Variants in IL18RAP observed in about 807,000 individuals in gnomAD.
The protein encoded by IL18RAP is interleukin 18 receptor accessory protein, also known as interleukin-18 receptor accessory protein.
In IL18RAP, 37 loss-of-function variants were observed where a neutral mutation model predicts 58.1. The ratio of observed to expected loss-of-function variants is 0.64; its 90% CI spans 0.49 to 0.84. The LOEUF is 0.84. Ranked by LOEUF, IL18RAP falls within the 40% of genes least tolerant of loss-of-function variation. The pLI is 0.00. For synonymous variants in IL18RAP, 268 were observed against 257.5 expected (o/e 1.04, Z -0.39); for missense variants, 667 against 704.8 (o/e 0.95, Z 0.61).
chr2:102,429,952 T>C (rs1682227017), intron 3 of IL18RAP, among the ~76,000 whole-genome samples: 1 of 152,084 alleles, frequency 6.6e-6, no homozygotes. Context: ...TTCAATTTTC[T>C]TAAAGTTGTT....
intron 9 of IL18RAP, 103 bp downstream of exon 9, chr2:102,451,124 G>C: frequency 2.2e-6 from 2 of 906,058 alleles, no homozygotes; most frequent in Non-Finnish European, 3.3e-6. Context: ...AGATCTGGGA[G>C]ATTACATGAG....
intron 8 of IL18RAP, among the ~76,000 whole-genome samples, chr2:102,449,011 G>A (rs531496211): frequency 7.0e-6 from 1 of 142,702 alleles, no homozygotes; most frequent in South Asian, 2.3e-4. Flanking sequence ...GCTCACATGT[G>A]TAATCCCAGC....
At chr2:102,451,587 A>T (rs191566990) in intron 9 of IL18RAP, among the ~76,000 whole-genome samples, 179 bp from the exon 10 acceptor site, 75 of 152,342 alleles carry the variant, frequency 4.9e-4, no homozygotes, top group Admixed American at 4.9e-3. Context: ...CAGGGAATGT[A>T]AAGGTGAGGG....
At chr2:102,450,779 G>A in intron 8 of IL18RAP, 69 bp from the exon 9 acceptor site, 6 of 901,710 alleles carry the variant, frequency 6.7e-6, no homozygotes, top group Non-Finnish European at 1.0e-5. Flanking sequence ...TCAAGCATAT[G>A]TATGTGTACC....
At chr2:102,449,043 C>A (rs58625805) in intron 8 of IL18RAP, among the ~76,000 whole-genome samples, 1 of 72,994 alleles carries the variant, frequency 1.4e-5, no homozygotes, top group African/African-American at 8.2e-5. Flanking sequence ...TCCAGGTGGG[C>A]GGATCACTTG....
chr2:102,435,084 G>A (rs757865953), intron 3 of IL18RAP: 12 of 152,156 alleles, frequency 7.9e-5, no homozygotes, highest in Non-Finnish European at 1.6e-4. Context: ...TACACTTAAC[G>A]GGAAAGAGCA....
intron 5 of IL18RAP, among the ~76,000 whole-genome samples, chr2:102,441,701 A>T (rs1683112979): frequency 6.6e-6 from 1 of 152,130 alleles, no homozygotes; most frequent in African/African-American, 2.4e-5. Flanking sequence ...CAGCCTGGCC[A>T]ACATGGTGAA....
intron 3 of IL18RAP, among the ~76,000 whole-genome samples, chr2:102,435,578 G>C (rs13415651): frequency 0.036 from 5,538 of 152,230 alleles, 327 homozygotes; most frequent in African/African-American, 0.13. Context: ...CCAGGGAGGA[G>C]AGTGAAAGAA....
rs192683418 is a variant in IL18RAP, at chr2:102,437,064, A to T, written c.580-148A>T. 2.8e-4 allele frequency: 185 copies of T among 665,840 alleles called. No homozygotes were observed. The East Asian group carries it at 5.0e-3, about 18-fold the overall frequency. The allele number at this position is 665,840 out of a possible 1,614,324, so 41.2% of individuals were successfully genotyped here. A position where few individuals can be genotyped will look rare whatever the true frequency, so the allele number is the denominator to read the frequency against. On this transcript the variant is annotated intron_variant, in intron 3 of 9. Coordinates refer to ENST00000687160, the MANE Select transcript of IL18RAP (RefSeq NM_001393487.1). Reference sequence around the variant, plus strand: ...TCAAATCTACAAGTACAGTTTTTGAACACAATGTCTTCATAGCTTGTGAGA... The same window carrying T: ...TCAAATCTACAAGTACAGTTTTTGATCACAATGTCTTCATAGCTTGTGAGA...
upstream of IL18RAP, among the ~76,000 whole-genome samples, chr2:102,421,963 C>G (rs1681601587): frequency 6.6e-6 from 1 of 151,968 alleles, no homozygotes; most frequent in African/African-American, 2.4e-5. Flanking sequence ...TCCTCACTGA[C>G]CTGCTGACGC....
chr2:102,444,789 T>A (rs1683312718), intron 6 of IL18RAP, among the ~76,000 whole-genome samples: 1 of 152,198 alleles, frequency 6.6e-6, no homozygotes, highest in African/African-American at 2.4e-5. Context: ...CCTATTATAC[T>A]CTAGGGTTCC....
At chr2:102,443,346 C>G in intron 6 of IL18RAP, 23 bp downstream of exon 6, 1 of 1,608,474 alleles carries the variant, frequency 6.2e-7, no homozygotes, top group Non-Finnish European at 8.5e-7. Context: ...CTCACGGATT[C>G]TGTTCTCTGC....
At chr2:102,451,255 A>G (rs1683746477) in intron 9 of IL18RAP, among the ~76,000 whole-genome samples, 1 of 152,348 alleles carries the variant, frequency 6.6e-6, no homozygotes, top group Non-Finnish European at 1.5e-5. Context: ...CTTCTAGGAC[A>G]AAGATACCTC....
At chr2:102,432,314 T>G (rs1193958762) in intron 3 of IL18RAP, 1 of 154,022 alleles carries the variant, frequency 6.5e-6, no homozygotes, top group Admixed American at 6.5e-5. Context: ...CAGGCAAAAT[T>G]GCAGACTGTC....
At chr2:102,421,519 G>A (rs774391130), upstream of IL18RAP, among the ~76,000 whole-genome samples, 12 of 152,186 alleles carry the variant, frequency 7.9e-5, no homozygotes, top group Non-Finnish European at 1.6e-4. Context: ...AGACTTTGTG[G>A]ACAAGGGAAA....
At chr2:102,423,725 T>C (rs1681732469) in intron 1 of IL18RAP, 86 bp from the exon 2 acceptor site, 4 of 950,316 alleles carry the variant, frequency 4.2e-6, no homozygotes, top group Admixed American at 5.1e-5. Context: ...CTAGATCTCT[T>C]GTTAAATCAA....
chr2:102,448,960 C>CAAATA (rs1683599073), intron 8 of IL18RAP, among the ~76,000 whole-genome samples: 1 of 67,222 alleles, frequency 1.5e-5, no homozygotes, highest in Non-Finnish European at 2.6e-5. Context: ...TACCCTATCT[C>CAAATA]AAAAAAAAAA....
chr2:102,428,497 T>C (rs1682119919), intron 3 of IL18RAP, among the ~76,000 whole-genome samples: 1 of 151,844 alleles, frequency 6.6e-6, no homozygotes. Context: ...TTAATTTCCT[T>C]TTCTGCAGAC....
At position 102,447,721 on chromosome 2, in the gene IL18RAP, T is replaced by C. The variant is rs144518688; in HGVS notation, c.1210+514T>C. Among the ~76,000 whole-genome samples, 5 of 146,834 alleles carry C rather than the reference T, an allele frequency of 3.4e-5. No homozygotes were observed. In the East Asian group the frequency reaches 5.8e-4, roughly 17 times the overall value. ...ATTCATTCATTTATGTATGTATGTA[T>C]GTATGTATTTATTTATTTATTTATT... On this transcript the variant is annotated intron_variant, in intron 8 of 9. Coordinates refer to ENST00000687160, the MANE Select transcript of IL18RAP (RefSeq NM_001393487.1).
Sources: allele counts gnomAD v4.1 joint callset (sites outside exome capture counted in the v4.1 genomes callset), GRCh38; gene constraint gnomAD v4.1.1; transcripts MANE v1.5; gene names NCBI Gene and HGNC (gene_info 2026-07-23, HGNC 2026-07-21).